USH1C: variants seen among roughly 807,000 people sequenced by gnomAD.
USH1C encodes harmonin.
In USH1C, 90 loss-of-function variants were observed where a neutral mutation model predicts 119.3. The ratio of observed to expected loss-of-function variants is 0.75; its 90% CI spans 0.64 to 0.90. The LOEUF is 0.90. Among genes scored for constraint, USH1C ranks in the 40% least tolerant of loss-of-function variants. The pLI is 0.00. For synonymous variants in USH1C, 465 were observed against 443.3 expected (o/e 1.05, Z -0.62); for missense variants, 1,165 against 1,167.7 (o/e 1.00, Z 0.03).
chr11:17,533,324 T>C lies in USH1C; in HGVS notation c.37-2A>G. On this transcript the variant is annotated splice_acceptor_variant, in intron 1 of 26. Coordinates refer to ENST00000005226, the MANE Select transcript of USH1C (RefSeq NM_153676.4). LOFTEE classifies it high-confidence loss of function. The stretch of plus-strand genomic sequence containing the variant: ...ATCATTTTCAATCAGAAAATCCACC[T>C]GGAAAATCCAATAGCAGAATCACAG... 1 of 1,610,816 alleles carries C rather than the reference T, an allele frequency of 6.2e-7. No homozygotes were observed. The highest frequency in any genetic ancestry group is 8.5e-7 in the Non-Finnish European group (1 of 1,178,044).
intron 20 of USH1C, among the ~76,000 whole-genome samples, chr11:17,503,917 C>T (rs955173101): frequency 3.3e-5 from 5 of 152,256 alleles, no homozygotes; most frequent in African/African-American, 1.2e-4. Flanking sequence ...TACTGCCCCT[C>T]TGCTCCCTGC....
intron 7 of USH1C, 116 bp downstream of exon 7, chr11:17,526,637 A>C: frequency 7.9e-7 from 1 of 1,272,558 alleles, no homozygotes; most frequent in Admixed American, 2.0e-5. Flanking sequence ...CTGCCCTGGG[A>C]GCCTGTGTGA....
At chr11:17,508,645 T>C (rs1327301920) in intron 18 of USH1C, among the ~76,000 whole-genome samples, 1 of 152,238 alleles carries the variant, frequency 6.6e-6, no homozygotes, top group East Asian at 1.9e-4. Flanking sequence ...GAATAATTAA[T>C]AAGAAATATG....
At position 17,533,242 on chromosome 11, in the gene USH1C, C is replaced by G; in HGVS notation, c.104+13G>C. 6.2e-7 allele frequency: 1 copy of G among 1,611,656 alleles called. No homozygotes were observed. The highest frequency in any genetic ancestry group is 8.5e-7 in the Non-Finnish European group (1 of 1,177,786). ...CCCAAGTGGCCCACAAGAGCTGGACCCAGCACACTTACTGGTGGTACATTC... is the reference window on the plus strand; with the variant it reads ...CCCAAGTGGCCCACAAGAGCTGGACGCAGCACACTTACTGGTGGTACATTC... On this transcript the variant is annotated intron_variant, in intron 2 of 26. Coordinates refer to ENST00000005226, the MANE Select transcript of USH1C (RefSeq NM_153676.4).
At chr11:17,524,364 G>T in intron 9 of USH1C, 87 bp downstream of exon 9, 1 of 1,413,178 alleles carries the variant, frequency 7.1e-7, no homozygotes, top group African/African-American at 1.4e-5. Flanking sequence ...GGGCCATGTG[G>T]AAAGGCACCT....
intron 22 of USH1C, 28 bp from the exon 23 acceptor site, chr11:17,501,178 A>G (rs1423285110): frequency 1.9e-6 from 3 of 1,577,330 alleles, no homozygotes; most frequent in South Asian, 1.1e-5. Context: ...GGCCTTAGGG[A>G]GCCAAGCAGA....
intron 15 of USH1C, among the ~76,000 whole-genome samples, chr11:17,516,009 A>G (rs1434857779): frequency 6.6e-6 from 1 of 152,264 alleles, no homozygotes; most frequent in African/African-American, 2.4e-5. Context: ...ACACACTGCC[A>G]GATGGTACTT....
In USH1C at chr11:17,498,257, C is replaced by T. The variant is rs1403495776; in HGVS notation, c.2395G>A (p.Gly799Arg). The T allele has an allele frequency of 5.6e-6, 9 of 1,614,048 alleles. No individual in the cohort carries two copies. The highest frequency in any genetic ancestry group is 7.6e-6 in the Non-Finnish European group (9 of 1,180,022). Reference protein sequence around the residue: ...AAERHGGIVKGDEIMAINGKI... With the variant: ...AAERHGGIVKRDEIMAINGKI... Reference sequence around the variant, plus strand: ...CCGTTGATTGCCATGATCTCGTCCCCTTTCACAATGCCACCTGCAGGCAGA... The same window carrying T: ...CCGTTGATTGCCATGATCTCGTCCCTTTTCACAATGCCACCTGCAGGCAGA... Residue 799 changes from glycine to arginine, a missense_variant, in exon 24 of 27, where the codon GGG becomes AGG. Transcript: ENST00000005226.
chr11:17,506,789 G>A (rs945597781), intron 18 of USH1C, among the ~76,000 whole-genome samples: 1 of 152,134 alleles, frequency 6.6e-6, no homozygotes, highest in African/African-American at 2.4e-5. Flanking sequence ...CCTTATTATA[G>A]CACCTGTGCT....
chr11:17,526,578 G>T, intron 7 of USH1C, 137 bp from the exon 8 acceptor site: 1 of 1,122,606 alleles, frequency 8.9e-7, no homozygotes, highest in Non-Finnish European at 1.3e-6. Flanking sequence ...GGATGTGTCT[G>T]CACCAGCTGG....
chr11:17,541,561 A>G (rs7102602), intron 1 of USH1C, among the ~76,000 whole-genome samples: 78,858 of 152,062 alleles, frequency 0.52, 20,804 homozygotes, highest in African/African-American at 0.61. Context: ...CCAAGTTCCT[A>G]CCCTGTGCTG....
chr11:17,524,463 C>T lies in USH1C; in HGVS notation c.747G>A (p.Glu249=). 5 of 1,573,376 alleles carry T rather than the reference C, an allele frequency of 3.2e-6. No individual in the cohort carries two copies. The highest frequency in any genetic ancestry group is 1.4e-5 in the African/African-American group (1 of 73,862). ...CAGCGTCACTCACCTCCAATCCCACCTCAGCAGACAGGGAGCCAGGTTTCA... is the reference window on the plus strand; with the variant it reads ...CAGCGTCACTCACCTCCAATCCCACTTCAGCAGACAGGGAGCCAGGTTTCA... ...SHVKPGSLSA[E]VGLEIGDQIV... is the part of the protein sequence containing the mutation. The change falls in exon 9 of 27, where the codon GAG becomes GAA. Residue 249 remains glutamate (E), a synonymous_variant. Coordinates refer to ENST00000005226, the MANE Select transcript of USH1C (RefSeq NM_153676.4).
rs1565016041 is a variant in USH1C, at chr11:17,495,772, C to T, written c.2547-95G>A. On this transcript the variant is annotated intron_variant, in intron 25 of 26. Coordinates refer to ENST00000005226, the MANE Select transcript of USH1C (RefSeq NM_153676.4). The stretch of plus-strand genomic sequence containing the variant: ...TTCTCCTTTCACTGGGCTCCTGCCT[C>T]GGGTTCTGCCTAGCCCCTGGGTTCC... 1.0e-5 allele frequency: 14 copies of T among 1,341,416 alleles called. 1 individual carries two copies. The highest frequency in any genetic ancestry group is 8.3e-5 in the South Asian group (7 of 84,454). 83.1% of individuals were successfully genotyped at this position (1,341,416 alleles called of 1,614,324 possible).
rs1284606967 is a variant in USH1C, at chr11:17,526,427, G to C, written c.594C>G (p.Ser198Arg). 1.2e-5 allele frequency: 19 copies of C among 1,613,938 alleles called. No individual in the cohort carries two copies. The highest frequency in any genetic ancestry group is 2.7e-5 in the African/African-American group (2 of 74,940). The change falls in exon 8 of 27, where the codon AGC becomes AGG. Residue 198 changes from serine to arginine, a missense_variant. Transcript: ENST00000005226. ...TTTCCCGATTTCCAGGGGAGCCCAG[G>C]CTGCCTCGCACGCCCTGAAAGAGAG... ...FVSESGGVRGSLGSPGNRENK... is the reference protein window; with the variant it reads ...FVSESGGVRGRLGSPGNRENK...
chr11:17,499,716 C>G (rs1849366813), intron 23 of USH1C, among the ~76,000 whole-genome samples: 3 of 152,232 alleles, frequency 2.0e-5, no homozygotes, highest in South Asian at 4.1e-4. Flanking sequence ...GTGAAGTCAC[C>G]AAGGTCATGG....
At position 17,527,436 on chromosome 11, in the gene USH1C, G is replaced by C. The variant is rs1850755193; in HGVS notation, c.388-105C>G. On this transcript the variant is annotated intron_variant, in intron 4 of 26. Transcript: ENST00000005226. ...GGACTGCTCTCCGGAAAAGGGAAGG[G>C]TGGCTGTGCCACCCCCTGGAATAAG... The C allele has an allele frequency of 2.7e-5, 25 of 931,322 alleles. 1 individual carries two copies. Among genetic ancestry groups the C allele is most frequent in the Middle Eastern group, 5.7e-4 (2 of 3,490 alleles). The allele number at this position is 931,322 out of a possible 1,614,324, so 57.7% of individuals were successfully genotyped here. A position where few individuals can be genotyped will look rare whatever the true frequency, so the allele number is the denominator to read the frequency against.
intron 1 of USH1C, chr11:17,533,650 G>A: frequency 2.0e-6 from 1 of 510,598 alleles, no homozygotes. Flanking sequence ...GTGACACGCT[G>A]CCATGGCAGT....
chr11:17,519,178 C>T (rs1302529269), intron 14 of USH1C, among the ~76,000 whole-genome samples: 1 of 152,162 alleles, frequency 6.6e-6, no homozygotes, highest in Non-Finnish European at 1.5e-5. Flanking sequence ...CATGCTAGAC[C>T]CCGGGGAACA....
intron 26 of USH1C, 80 bp from the exon 27 acceptor site, chr11:17,494,456 A>AG: frequency 6.7e-7 from 1 of 1,491,888 alleles, no homozygotes; most frequent in Non-Finnish European, 9.2e-7. Context: ...AGGCCCCACA[A>AG]GGGGGAGTAC....
Sources: gnomAD v4.1 joint callset for allele counts (sites outside exome capture counted in the v4.1 genomes callset) on GRCh38, gnomAD v4.1.1 for gene constraint, MANE v1.5 for transcripts, NCBI Gene and HGNC (gene_info 2026-07-23, HGNC 2026-07-21) for gene names.